Variants in EYA1 observed in about 807,000 individuals in gnomAD.
The protein encoded by EYA1 is EYA transcriptional coactivator and phosphatase 1.
A neutral mutation model predicts 82.0 loss-of-function variants in EYA1; 16 were observed. That is an observed-to-expected ratio of 0.20 (90% CI 0.13 to 0.30). The LOEUF is 0.30. Among genes scored for constraint, EYA1 ranks in the 10% least tolerant of loss-of-function variants. The pLI is 1.00. For synonymous variants in EYA1, 261 were observed against 264.4 expected, an observed-to-expected ratio of 0.99 and a Z score of 0.12; for missense variants, 633 against 730.7, an observed-to-expected ratio of 0.87 and a Z score of 1.54.
chr8:71,316,193 T>G (rs1216316716), intron 7 of EYA1, among the ~76,000 whole-genome samples: 1 of 152,288 alleles, frequency 6.6e-6, no homozygotes, highest in East Asian at 1.9e-4. Context: ...ATGTGTATAC[T>G]TTAACACACA....
At chr8:71,520,346 A>C (rs1813303213) in intron 2 of EYA1, among the ~76,000 whole-genome samples, 1 of 152,172 alleles carries the variant, frequency 6.6e-6, no homozygotes. Context: ...AAGGAAGAGA[A>C]GTCCAGAGCC....
intron 4 of EYA1, among the ~76,000 whole-genome samples, chr8:71,331,061 T>C (rs990786632): frequency 1.3e-5 from 2 of 151,866 alleles, no homozygotes; most frequent in Admixed American, 1.3e-4. Context: ...AAACCCCATC[T>C]CTACTAAAAC....
At chr8:71,266,957 C>T (rs1815904766) in intron 11 of EYA1, among the ~76,000 whole-genome samples, 1 of 152,202 alleles carries the variant, frequency 6.6e-6, no homozygotes, top group African/African-American at 2.4e-5. Flanking sequence ...ATTTCTAAAT[C>T]CAGTTCTCTA....
At chr8:71,363,693 G>T (rs1317648954), upstream of EYA1, among the ~76,000 whole-genome samples, 1 of 152,120 alleles carries the variant, frequency 6.6e-6, no homozygotes, top group Non-Finnish European at 1.5e-5. Context: ...TTCTAGCATT[G>T]TCAGATAAAA....
chr8:71,398,509 C>G lies in EYA1; in HGVS notation c.34-41998G>C, dbSNP rs1829764871. 2.0e-5 allele frequency among the ~76,000 whole-genome samples: 3 copies of G among 152,314 alleles called. No homozygotes were observed. The South Asian group carries it at 6.2e-4, about 32-fold the overall frequency. On this transcript the variant is annotated intron_variant, in intron 2 of 18. Coordinates refer to the EYA1 transcript ENST00000643681. ...TGTCCTTTCTGTTTTAGTTTTCCTTCTAACAGTCAGGACCCTCAGCTGCAG... is the reference window on the plus strand; with the variant it reads ...TGTCCTTTCTGTTTTAGTTTTCCTTGTAACAGTCAGGACCCTCAGCTGCAG...
At chr8:71,330,195 C>T (rs564590737) in intron 4 of EYA1, among the ~76,000 whole-genome samples, 5 of 152,250 alleles carry the variant, frequency 3.3e-5, no homozygotes, top group Non-Finnish European at 7.4e-5. Flanking sequence ...TTTGGAGGGT[C>T]TGAACTGAAG....
chr8:71,411,583 C>T (rs1467202788), intron 2 of EYA1, among the ~76,000 whole-genome samples: 2 of 151,398 alleles, frequency 1.3e-5, no homozygotes, highest in Non-Finnish European at 2.9e-5. Flanking sequence ...CATGAACAGA[C>T]ACTTCTCAAA....
chr8:71,513,364 T>C (rs1357602859), intron 2 of EYA1, among the ~76,000 whole-genome samples: 1 of 152,128 alleles, frequency 6.6e-6, no homozygotes, highest in Non-Finnish European at 1.5e-5. Flanking sequence ...GTGGACTAAT[T>C]TCTTCAGCTT....
chr8:71,408,120 C>G (rs962486781), intron 2 of EYA1, among the ~76,000 whole-genome samples: 3 of 151,900 alleles, frequency 2.0e-5, no homozygotes, highest in African/African-American at 7.3e-5. Flanking sequence ...TCCAGCCAAA[C>G]TAAGCTTCAT....
chr8:71,295,690 T>C (rs1279703735), intron 9 of EYA1, among the ~76,000 whole-genome samples: 2 of 152,214 alleles, frequency 1.3e-5, no homozygotes, highest in Non-Finnish European at 1.5e-5. Flanking sequence ...AGTGCTGCCA[T>C]ATGATCCAGC....
At chr8:71,224,447 G>A (rs998675310) in intron 12 of EYA1, among the ~76,000 whole-genome samples, 2 of 152,194 alleles carry the variant, frequency 1.3e-5, no homozygotes, top group Admixed American at 1.3e-4. Context: ...AGTGATCATT[G>A]GGTTCTGTGT....
intron 2 of EYA1, among the ~76,000 whole-genome samples, chr8:71,524,479 T>A (rs1268553249): frequency 1.3e-5 from 2 of 152,218 alleles, no homozygotes; most frequent in African/African-American, 4.8e-5. Flanking sequence ...GTATTAAAGT[T>A]AATACCTGAA....
chr8:71,224,669 T>C (rs1297159181), intron 12 of EYA1, among the ~76,000 whole-genome samples: 2 of 152,218 alleles, frequency 1.3e-5, no homozygotes, highest in Non-Finnish European at 2.9e-5. Context: ...GCTAATTTTG[T>C]CAAGCCATTA....
At chr8:71,307,455 C>T (rs986433312) in intron 7 of EYA1, among the ~76,000 whole-genome samples, 4 of 152,016 alleles carry the variant, frequency 2.6e-5, no homozygotes, top group Non-Finnish European at 5.9e-5. Flanking sequence ...CAAGCGTGTC[C>T]GTCCCACCAC....
At chr8:71,329,787 A>C (rs7817137) in intron 4 of EYA1, among the ~76,000 whole-genome samples, 3,601 of 152,290 alleles carry the variant, frequency 0.024, 136 homozygotes, top group African/African-American at 0.082. Flanking sequence ...ACACAAGCTT[A>C]TGTTTTGGTG....
chr8:71,420,897 G>C (rs1311645930), intron 2 of EYA1, among the ~76,000 whole-genome samples: 1 of 152,170 alleles, frequency 6.6e-6, no homozygotes, highest in African/African-American at 2.4e-5. Context: ...GTCAAGGCAG[G>C]TTTGTGGGTT....
chr8:71,376,926 G>A (rs1011335425), intron 2 of EYA1, among the ~76,000 whole-genome samples: 1 of 151,948 alleles, frequency 6.6e-6, no homozygotes, highest in African/African-American at 2.4e-5. Flanking sequence ...TGTCATTTCC[G>A]TATGCTATGC....
chr8:71,211,816 A>G (rs903311451), intron 16 of EYA1, among the ~76,000 whole-genome samples: 2 of 152,190 alleles, frequency 1.3e-5, no homozygotes, highest in African/African-American at 2.4e-5. Context: ...AAGACCCTGA[A>G]AGTCTGATGT....
intron 3 of EYA1, among the ~76,000 whole-genome samples, chr8:71,336,787 C>T (rs1445401): frequency 0.5 from 76,296 of 151,998 alleles, 19,699 homozygotes; most frequent in East Asian, 0.77. Context: ...TTTTAAAAGG[C>T]TCACTGTTGA....
Sources: allele counts gnomAD v4.1 joint callset (sites outside exome capture counted in the v4.1 genomes callset), GRCh38; gene constraint gnomAD v4.1.1; transcripts MANE v1.5; gene names NCBI Gene and HGNC (gene_info 2026-07-23, HGNC 2026-07-21).